The following PTAFR variants were observed in gnomAD, a reference collection of about 807,000 sequenced individuals.
PTAFR encodes the protein platelet-activating factor receptor.
PTAFR carries 8 observed loss-of-function variants against 14.7 expected under a neutral mutation model. The ratio of observed to expected loss-of-function variants is 0.54; its 90% CI spans 0.32 to 0.98. The LOEUF (loss-of-function observed/expected upper bound fraction) is 0.98. PTAFR is among the 50% of genes least tolerant of loss of function. The pLI is 0.04. For missense variants in PTAFR, 337 were observed against 451.2 expected, an observed-to-expected ratio of 0.75 and a Z score of 2.29; for synonymous variants, 156 against 176.5, an observed-to-expected ratio of 0.88 and a Z score of 0.92.
chr1:28,192,533 G>A (rs1442241803), intron 1 of PTAFR, among the ~76,000 whole-genome samples: 1 of 147,548 alleles, frequency 6.8e-6, no homozygotes, highest in African/African-American at 2.5e-5. Context: ...ACTCCAGCCT[G>A]GGCAATGAGA....
intron 1 of PTAFR, among the ~76,000 whole-genome samples, chr1:28,167,210 C>A (rs1289824267): frequency 2.0e-5 from 3 of 152,020 alleles, no homozygotes; most frequent in Non-Finnish European, 2.9e-5. Context: ...TCGGATGGAA[C>A]CAGATATCAG....
At chr1:28,156,942 G>A (rs893650791) in intron 1 of PTAFR, among the ~76,000 whole-genome samples, 15 of 152,164 alleles carry the variant, frequency 9.9e-5, no homozygotes, top group South Asian at 6.2e-4. Flanking sequence ...AGTCAGGTCC[G>A]CACCTCCCTG....
chr1:28,178,477 T>A (rs1274023938), upstream of PTAFR, among the ~76,000 whole-genome samples: 2 of 151,910 alleles, frequency 1.3e-5, no homozygotes, highest in African/African-American at 4.8e-5. Context: ...GCCAGGCTGG[T>A]TTTGAACTCC....
chr1:28,173,577 GGA>G (rs1345639225), intron 1 of PTAFR, among the ~76,000 whole-genome samples: 3 of 151,802 alleles, frequency 2.0e-5, no homozygotes, highest in Non-Finnish European at 4.4e-5. Flanking sequence ...CTTGAGCCCA[GGA>G]GATCGAGGCT....
intron 1 of PTAFR, among the ~76,000 whole-genome samples, chr1:28,160,189 T>C (rs1646306867): frequency 6.7e-6 from 1 of 149,392 alleles, no homozygotes; most frequent in Non-Finnish European, 1.5e-5. Flanking sequence ...CACTCCAGCC[T>C]GGGCAACAGA....
intron 1 of PTAFR, among the ~76,000 whole-genome samples, chr1:28,154,841 G>A (rs1038063572): frequency 7.0e-6 from 1 of 141,914 alleles, no homozygotes; most frequent in Non-Finnish European, 1.5e-5. Flanking sequence ...AGTGGGGGGG[G>A]AGGGAGGGCA....
At chr1:28,170,277 G>A (rs1325180627) in intron 1 of PTAFR, among the ~76,000 whole-genome samples, 1 of 152,144 alleles carries the variant, frequency 6.6e-6, no homozygotes, top group Non-Finnish European at 1.5e-5. Context: ...ATAGACAGGT[G>A]AGCCTCTGTA....
At chr1:28,177,284 T>C (rs575555740), upstream of PTAFR, 2 of 151,936 alleles carry the variant, frequency 1.3e-5, no homozygotes, top group African/African-American at 4.8e-5. Context: ...GGATATAAAG[T>C]GGAGGGAGAA....
chr1:28,154,841 G>T (rs1038063572), intron 1 of PTAFR, among the ~76,000 whole-genome samples: 1 of 141,914 alleles, frequency 7.0e-6, no homozygotes, highest in East Asian at 2.3e-4. Flanking sequence ...AGTGGGGGGG[G>T]AGGGAGGGCA....
chr1:28,174,600 C>A (rs188179274), intron 1 of PTAFR, among the ~76,000 whole-genome samples: 116 of 152,324 alleles, frequency 7.6e-4, no homozygotes, highest in Admixed American at 6.9e-3. Flanking sequence ...AACACAGTGT[C>A]AGGGGCAGAG....
At chr1:28,166,766 C>T (rs547759926) in intron 1 of PTAFR, among the ~76,000 whole-genome samples, 1 of 152,094 alleles carries the variant, frequency 6.6e-6, no homozygotes, top group African/African-American at 2.4e-5. Context: ...TGCTTGAAGC[C>T]AGGAGTTTGG....
At chr1:28,166,335 C>T (rs971943365) in intron 1 of PTAFR, among the ~76,000 whole-genome samples, 8 of 152,052 alleles carry the variant, frequency 5.3e-5, no homozygotes, top group African/African-American at 1.9e-4. Context: ...AAGACCTAAA[C>T]ATAAGACCTG....
At chr1:28,187,808 G>A (rs996077894) in intron 1 of PTAFR, among the ~76,000 whole-genome samples, 2 of 152,134 alleles carry the variant, frequency 1.3e-5, no homozygotes, top group Admixed American at 1.3e-4. Context: ...ATTAAGACAT[G>A]GAAATTACAC....
chr1:28,157,968 A>T (rs111716029), intron 1 of PTAFR, among the ~76,000 whole-genome samples: 3 of 152,188 alleles, frequency 2.0e-5, no homozygotes, highest in African/African-American at 7.2e-5. Flanking sequence ...CCATGTGAAC[A>T]GAACACACAC....
intron 1 of PTAFR, among the ~76,000 whole-genome samples, chr1:28,153,533 C>A (rs954006822): frequency 2.0e-5 from 3 of 148,180 alleles, no homozygotes; most frequent in African/African-American, 7.6e-5. Context: ...ATCCTTGAGT[C>A]CAGGAGTTTG....
At chr1:28,184,593 T>C (rs1435629163) in intron 1 of PTAFR, among the ~76,000 whole-genome samples, 2 of 152,150 alleles carry the variant, frequency 1.3e-5, no homozygotes, top group African/African-American at 4.8e-5. Context: ...CTGTTCTTCC[T>C]GCCCTTCTTC....
At chr1:28,181,682 C>A (rs988034796), upstream of PTAFR, among the ~76,000 whole-genome samples, 4 of 151,860 alleles carry the variant, frequency 2.6e-5, no homozygotes, top group Non-Finnish European at 5.9e-5. Context: ...GCGGAGGTTG[C>A]GGTGAGCCGA....
At chr1:28,174,044 C>A (rs1390970637) in intron 1 of PTAFR, among the ~76,000 whole-genome samples, 4 of 152,142 alleles carry the variant, frequency 2.6e-5, no homozygotes, top group Admixed American at 2.6e-4. Flanking sequence ...CCAGAGCCAG[C>A]TCCCTGTCCA....
chr1:28,167,917 G>C (rs1266711851), intron 1 of PTAFR, among the ~76,000 whole-genome samples: 1 of 149,150 alleles, frequency 6.7e-6, no homozygotes, highest in Non-Finnish European at 1.5e-5. Flanking sequence ...GGGATTACAG[G>C]GATGAACCAC....
Sources: gnomAD v4.1 joint callset for allele counts (sites outside exome capture counted in the v4.1 genomes callset) on GRCh38, gnomAD v4.1.1 for gene constraint, MANE v1.5 for transcripts, NCBI Gene and HGNC (gene_info 2026-07-23, HGNC 2026-07-21) for gene names.